The following ABI3BP variants were observed in gnomAD, a reference collection of about 807,000 sequenced individuals.
ABI3BP encodes the protein ABI family member 3 binding protein.
ABI3BP carries 216 observed loss-of-function variants against 268.6 expected under a neutral mutation model. The observed-to-expected ratio is 0.80, with a 90% CI of 0.72 to 0.90. ABI3BP has a LOEUF of 0.90. ABI3BP is among the 40% of genes least tolerant of loss of function. The pLI is 0.00. For synonymous variants in ABI3BP, 730 were observed against 730.0 expected, an observed-to-expected ratio of 1.00 and a Z score of 0.00; for missense variants, 2,090 against 2,182.4, an observed-to-expected ratio of 0.96 and a Z score of 0.84.
chr3:100,842,921 G>A (rs901518783), intron 20 of ABI3BP, among the ~76,000 whole-genome samples: 1 of 152,062 alleles, frequency 6.6e-6, no homozygotes, highest in African/African-American at 2.4e-5. Context: ...AATCAATGTG[G>A]CTTTCATAGA....
At chr3:100,876,275 T>C (rs1464957078) in intron 7 of ABI3BP, among the ~76,000 whole-genome samples, 3 of 152,230 alleles carry the variant, frequency 2.0e-5, no homozygotes, top group Non-Finnish European at 2.9e-5. Flanking sequence ...ATACTTGTGA[T>C]GGTTGCTTTG....
At chr3:100,788,249 T>A (rs1221208098) in intron 56 of ABI3BP, among the ~76,000 whole-genome samples, 1 of 152,148 alleles carries the variant, frequency 6.6e-6, no homozygotes, top group Non-Finnish European at 1.5e-5. Flanking sequence ...GTACAGAGGT[T>A]TCATTATACT....
chr3:100,958,197 G>A (rs2077486573), intron 1 of ABI3BP, among the ~76,000 whole-genome samples: 1 of 152,162 alleles, frequency 6.6e-6, no homozygotes, highest in Non-Finnish European at 1.5e-5. Context: ...ATGAAGATAA[G>A]AAATAAATTT....
intron 22 of ABI3BP, among the ~76,000 whole-genome samples, chr3:100,840,580 A>G (rs1240531479): frequency 6.6e-6 from 1 of 152,230 alleles, no homozygotes; most frequent in Non-Finnish European, 1.5e-5. Context: ...CCACAAATCA[A>G]CAATATATGC....
rs111951627 is a variant in ABI3BP at position 100,966,070 on chromosome 3, A to C, written c.79+27236T>G. On this transcript the variant is annotated intron_variant, in intron 1 of 67. Transcript: ENST00000471714. Reference sequence around the variant, plus strand: ...CCTACTTTGATCCTAGGAGACCTACATGAAAGCACGATCGACTTCATAAGC... The same window carrying C: ...CCTACTTTGATCCTAGGAGACCTACCTGAAAGCACGATCGACTTCATAAGC... Among the ~76,000 whole-genome samples, 1,435 of 152,328 alleles carry C rather than the reference A, an allele frequency of 9.4e-3. 18 individuals carry two copies. Among genetic ancestry groups the C allele is most frequent in the African/African-American group, 0.033 (1,368 of 41,568 alleles).
intron 4 of ABI3BP, among the ~76,000 whole-genome samples, chr3:100,892,248 G>A (rs1007755366): frequency 3.3e-5 from 5 of 152,174 alleles, no homozygotes; most frequent in African/African-American, 7.2e-5. Context: ...AAACTGGAGG[G>A]AGGCATCTCA....
intron 4 of ABI3BP, among the ~76,000 whole-genome samples, chr3:100,893,828 G>A (rs980252443): frequency 1.3e-5 from 2 of 152,210 alleles, no homozygotes; most frequent in African/African-American, 2.4e-5. Flanking sequence ...GGAAGAGAGA[G>A]GGGATCACTG....
chr3:100,807,335 A>T (rs2097741013), intron 50 of ABI3BP, among the ~76,000 whole-genome samples: 1 of 151,910 alleles, frequency 6.6e-6, no homozygotes, highest in Non-Finnish European at 1.5e-5. Flanking sequence ...TTAATGTTTC[A>T]AATGTATTAT....
chr3:100,854,188 T>TAAAA (rs56306514), intron 14 of ABI3BP, among the ~76,000 whole-genome samples: 36,111 of 128,140 alleles, frequency 0.28, 5,083 homozygotes, highest in African/African-American at 0.34. Context: ...CTGTCTCTAC[T>TAAAA]AAAAAAAAAA....
chr3:100,770,700 A>G (rs771003298), intron 62 of ABI3BP, 43 bp downstream of exon 62: 1 of 1,394,786 alleles, frequency 7.2e-7, no homozygotes, highest in Non-Finnish European at 9.4e-7. Flanking sequence ...GTATCTTGTT[A>G]TCAAAGCTTC....
intron 2 of ABI3BP, among the ~76,000 whole-genome samples, chr3:100,915,891 T>C (rs2058456134): frequency 6.6e-6 from 1 of 152,216 alleles, no homozygotes; most frequent in South Asian, 2.1e-4. Context: ...AAACTAACCC[T>C]GCTTCACTCG....
chr3:100,830,492 G>T, intron 32 of ABI3BP, 86 bp downstream of exon 32: 5 of 1,130,194 alleles, frequency 4.4e-6, no homozygotes, highest in Non-Finnish European at 6.3e-6. Flanking sequence ...GCCTTGTGAA[G>T]CGGGAGAAGC....
Position 100,862,845 on chromosome 3 carries a change from G to A in ABI3BP, c.1203C>T (p.Gly401=), listed in dbSNP as rs1201736650. The A allele has an allele frequency of 1.3e-6, 2 of 1,534,138 alleles. No individual in the cohort carries two copies. The highest frequency in any genetic ancestry group is 1.7e-6 in the Non-Finnish European group (2 of 1,145,422). The part of the protein sequence containing the change: ...KTPFPFEKPR[G]TLASSEKPWI... Reference sequence around the variant, plus strand: ...TTAAGGTACTCTTATTACCCAATGTGCCCCTAGGTTTCTCAAAAGGGAAGG... The same window carrying A: ...TTAAGGTACTCTTATTACCCAATGTACCCCTAGGTTTCTCAAAAGGGAAGG... The change falls in exon 13 of 68, where the codon GGC becomes GGT. Residue 401 remains glycine, a synonymous_variant. Coordinates refer to ENST00000471714, the MANE Select transcript of ABI3BP (RefSeq NM_001375547.2).
chr3:100,959,229 G>A lies in ABI3BP; in HGVS notation c.80-32748C>T, dbSNP rs182907016. 3.6e-4 allele frequency among the ~76,000 whole-genome samples: 55 copies of A among 152,162 alleles called. No individual in the cohort carries two copies. The East Asian group carries it at 4.6e-3, about 13-fold the overall frequency. ...GGCTGGGCCGGGCGCGGTGGCTCAC[G>A]CCTGTAATCCCAGCACTTTGGGAGG... On this transcript the variant is annotated intron_variant, in intron 1 of 67. Coordinates refer to ENST00000471714, the MANE Select transcript of ABI3BP (RefSeq NM_001375547.2).
At chr3:100,815,046 C>A (rs1283738755) in intron 44 of ABI3BP, among the ~76,000 whole-genome samples, 2 of 152,028 alleles carry the variant, frequency 1.3e-5, no homozygotes, top group Non-Finnish European at 2.9e-5. Flanking sequence ...AAAACCTAAG[C>A]CATAGATTTT....
At chr3:100,972,140 T>C (rs1183614829) in intron 1 of ABI3BP, among the ~76,000 whole-genome samples, 1 of 152,196 alleles carries the variant, frequency 6.6e-6, no homozygotes, top group East Asian at 1.9e-4. Context: ...ATCATAAAGT[T>C]AGCATTGCCA....
At chr3:100,761,915 C>T (rs1238122227) in intron 63 of ABI3BP, among the ~76,000 whole-genome samples, 3 of 152,186 alleles carry the variant, frequency 2.0e-5, no homozygotes, top group African/African-American at 4.8e-5. Flanking sequence ...AGTGTTGGAA[C>T]ACTGCTGTAA....
At chr3:100,833,212 C>A (rs576170486) in intron 29 of ABI3BP, 55 bp from the exon 30 acceptor site, 1 of 1,441,534 alleles carries the variant, frequency 6.9e-7, no homozygotes. Context: ...GTTAAACACA[C>A]GAGAAAAGCC....
intron 48 of ABI3BP, among the ~76,000 whole-genome samples, chr3:100,810,778 G>C (rs947455466): frequency 5.9e-5 from 9 of 152,060 alleles, no homozygotes; most frequent in Admixed American, 3.3e-4. Context: ...AAATATTATA[G>C]TATGAGTCAT....
Sources: gnomAD v4.1 joint callset for allele counts (sites outside exome capture counted in the v4.1 genomes callset) on GRCh38, gnomAD v4.1.1 for gene constraint, MANE v1.5 for transcripts, NCBI Gene and HGNC (gene_info 2026-07-23, HGNC 2026-07-21) for gene names.